Variants in VPS13B observed in about 807,000 individuals in gnomAD.
VPS13B encodes the protein vacuolar protein sorting 13 homolog B, also known as intermembrane lipid transfer protein VPS13B.
VPS13B carries 285 observed loss-of-function variants against 426.4 expected under a neutral mutation model. That is an observed-to-expected ratio of 0.67 (90% CI 0.61 to 0.74). The LOEUF is 0.74. Ranked by LOEUF, VPS13B falls within the 30% of genes least tolerant of loss-of-function variation. VPS13B has a pLI of 0.00. For synonymous variants in VPS13B, 1,676 were observed against 1,676.4 expected (o/e 1.00, Z 0.01); for missense variants, 4,537 against 4,782.6 (o/e 0.95, Z 1.51).
At chr8:99,554,258 A>G (rs1274088852) in intron 30 of VPS13B, among the ~76,000 whole-genome samples, 1 of 152,068 alleles carries the variant, frequency 6.6e-6, no homozygotes, top group East Asian at 1.9e-4. Context: ...AGTTCACCTT[A>G]AAAATATGTT....
intron 23 of VPS13B, among the ~76,000 whole-genome samples, chr8:99,459,772 G>A (rs1818729881): frequency 6.6e-6 from 1 of 152,104 alleles, no homozygotes; most frequent in Non-Finnish European, 1.5e-5. Context: ...AGCTCATGAT[G>A]TATTTTGAGA....
chr8:99,360,969 G>T (rs377673811), intron 19 of VPS13B, among the ~76,000 whole-genome samples: 1 of 152,074 alleles, frequency 6.6e-6, no homozygotes, highest in Non-Finnish European at 1.5e-5. Flanking sequence ...CTCTCAATCC[G>T]TTCTTTTCTG....
At chr8:99,102,683 C>A (rs1476132182) in intron 4 of VPS13B, among the ~76,000 whole-genome samples, 2 of 152,070 alleles carry the variant, frequency 1.3e-5, no homozygotes, top group African/African-American at 4.8e-5. Flanking sequence ...ATTATGTTAT[C>A]AAAAATATAT....
At chr8:99,555,013 A>G (rs897855214) in intron 30 of VPS13B, among the ~76,000 whole-genome samples, 1 of 152,140 alleles carries the variant, frequency 6.6e-6, no homozygotes, top group Non-Finnish European at 1.5e-5. Context: ...AATTATCCTC[A>G]GTTTCTCTGG....
intron 25 of VPS13B, among the ~76,000 whole-genome samples, chr8:99,493,742 A>T (rs533265311): frequency 6.7e-6 from 1 of 148,778 alleles, no homozygotes; most frequent in South Asian, 2.1e-4. Flanking sequence ...AGATCGTGCC[A>T]CTGTACTCCA....
intron 39 of VPS13B, among the ~76,000 whole-genome samples, chr8:99,727,665 C>A (rs1833405336): frequency 6.6e-6 from 1 of 152,208 alleles, no homozygotes; most frequent in Non-Finnish European, 1.5e-5. Context: ...CTGATTCATT[C>A]ATCTCCCACT....
chr8:99,280,482 C>G (rs1030323822), intron 19 of VPS13B, among the ~76,000 whole-genome samples: 3 of 152,286 alleles, frequency 2.0e-5, no homozygotes, highest in Admixed American at 6.5e-5. Context: ...CAGGGCCTAT[C>G]ATTGATGAAT....
intron 33 of VPS13B, among the ~76,000 whole-genome samples, chr8:99,612,222 C>T (rs1827873210): frequency 6.6e-6 from 1 of 152,164 alleles, no homozygotes; most frequent in Non-Finnish European, 1.5e-5. Flanking sequence ...ACTCTTTAAA[C>T]TTCACTCTCC....
At chr8:99,134,557 A>T in intron 8 of VPS13B, 75 bp from the exon 9 acceptor site, 1 of 1,240,292 alleles carries the variant, frequency 8.1e-7, no homozygotes, top group Non-Finnish European at 1.1e-6. Flanking sequence ...TGTTTTAATC[A>T]ATTAATCATC....
intron 2 of VPS13B, among the ~76,000 whole-genome samples, chr8:99,037,410 G>A (rs1383455694): frequency 1.3e-5 from 2 of 151,926 alleles, no homozygotes; most frequent in Admixed American, 6.6e-5. Flanking sequence ...TATTCAAAAT[G>A]TAGTCTTTTT....
At chr8:99,353,808 G>A (rs953179827) in intron 19 of VPS13B, among the ~76,000 whole-genome samples, 1 of 151,978 alleles carries the variant, frequency 6.6e-6, no homozygotes, top group East Asian at 1.9e-4. Flanking sequence ...CTTGATGAAG[G>A]CTCTTCACTG....
At chr8:99,615,876 G>A (rs1409225315) in intron 33 of VPS13B, among the ~76,000 whole-genome samples, 4 of 151,846 alleles carry the variant, frequency 2.6e-5, no homozygotes, top group African/African-American at 4.8e-5. Flanking sequence ...TCTTTCAAAC[G>A]TTTATTGTCT....
At chr8:99,025,063 C>A (rs952033921) in intron 2 of VPS13B, among the ~76,000 whole-genome samples, 1 of 151,932 alleles carries the variant, frequency 6.6e-6, no homozygotes, top group Non-Finnish European at 1.5e-5. Flanking sequence ...GAAATGGGAT[C>A]ACTTTCTTGA....
chr8:99,446,907 G>A (rs947149584), intron 23 of VPS13B, among the ~76,000 whole-genome samples: 2 of 152,090 alleles, frequency 1.3e-5, no homozygotes, highest in South Asian at 2.1e-4. Flanking sequence ...GAACTTCATA[G>A]CACTTATTGA....
Position 99,642,327 on chromosome 8 carries a change from G to A in VPS13B, c.5737G>A (p.Val1913Ile). The A allele has an allele frequency of 6.2e-7, 1 of 1,614,140 alleles. No individual in the cohort carries two copies. The highest frequency in any genetic ancestry group is 8.5e-7 in the Non-Finnish European group (1 of 1,180,008). Residue 1913 changes from valine (V) to isoleucine (I), a missense_variant, in exon 34 of 62, where the codon GTT (valine) becomes ATT (isoleucine). Transcript: ENST00000357162. ...TAGACAAGCACTTGGTATAACTATT[G>A]TTCGGCAGCCTGGTCGAAGAGGAAC... ...SARQALGITI[V>I]RQPGRRGTGD...
intron 19 of VPS13B, among the ~76,000 whole-genome samples, chr8:99,308,089 T>C (rs1820735118): frequency 6.6e-6 from 1 of 152,086 alleles, no homozygotes; most frequent in Non-Finnish European, 1.5e-5. Flanking sequence ...ATTTCTAGTT[T>C]TATCCCATTG....
chr8:99,814,883 TA>T (rs1236884480), intron 44 of VPS13B, among the ~76,000 whole-genome samples: 1 of 152,168 alleles, frequency 6.6e-6, no homozygotes, highest in Non-Finnish European at 1.5e-5. Context: ...TAACTTTTCT[TA>T]ATGAGTAGAT....
intron 17 of VPS13B, chr8:99,233,218 A>G: frequency 2.3e-6 from 3 of 1,306,084 alleles, no homozygotes; most frequent in South Asian, 2.4e-5. Context: ...ACGAGGCACA[A>G]TGATTTCTGC....
chr8:99,210,536 G>C (rs11986138), intron 17 of VPS13B, among the ~76,000 whole-genome samples: 1 of 152,088 alleles, frequency 6.6e-6, no homozygotes, highest in African/African-American at 2.4e-5. Context: ...GAACATTCTC[G>C]AAACTATATT....
Sources: gnomAD v4.1 joint callset for allele counts (sites outside exome capture counted in the v4.1 genomes callset) on GRCh38, gnomAD v4.1.1 for gene constraint, MANE v1.5 for transcripts, NCBI Gene and HGNC (gene_info 2026-07-23, HGNC 2026-07-21) for gene names.